RTN4RL1: variants seen among roughly 807,000 people sequenced by gnomAD.
RTN4RL1 encodes reticulon-4 receptor-like 1.
RTN4RL1 carries 7 observed loss-of-function variants against 25.6 expected under a neutral mutation model. That is an observed-to-expected ratio of 0.27 (90% confidence interval 0.16 to 0.51). RTN4RL1 has a LOEUF of 0.51. Ranked by LOEUF, RTN4RL1 falls within the 20% of genes least tolerant of loss-of-function variation. The pLI, the probability that RTN4RL1 is intolerant of heterozygous loss-of-function variation, is 0.97. For synonymous variants in RTN4RL1, 297 were observed against 288.2 expected, an observed-to-expected ratio of 1.03 and a Z score of -0.31; for missense variants, 500 against 615.6, an observed-to-expected ratio of 0.81 and a Z score of 1.99.
chr17:2,009,026 A>C (rs2067023434), intron 1 of RTN4RL1, among the ~76,000 whole-genome samples: 1 of 152,160 alleles, frequency 6.6e-6, no homozygotes, highest in Non-Finnish European at 1.5e-5. Flanking sequence ...TCAGGAAATG[A>C]CTACAAGGCA....
At chr17:1,995,465 A>G (rs1284777102) in intron 1 of RTN4RL1, 1 of 150,678 alleles carries the variant, frequency 6.6e-6, no homozygotes, top group Non-Finnish European at 1.5e-5. Context: ...TGGCAGGGGA[A>G]CCTCTACAGC....
intron 1 of RTN4RL1, among the ~76,000 whole-genome samples, chr17:1,995,228 C>T (rs997575215): frequency 2.6e-5 from 4 of 152,142 alleles, no homozygotes; most frequent in Non-Finnish European, 4.4e-5. Flanking sequence ...GAGTTTGAGA[C>T]CGGCCTGGCC....
At position 1,937,071 on chromosome 17, in the gene RTN4RL1, G is replaced by T; in HGVS notation, c.751C>A (p.Arg251Ser). Residue 251 changes from arginine (R) to serine (S), a missense_variant, in exon 2 of 2, where the codon CGC (arginine) becomes AGC (serine). Around this residue, in one of 2 missense-constraint regions of RTN4RL1, gnomAD observed 232 missense variants for 341.1 expected, o/e 0.68. Transcript: ENST00000331238. Reference protein sequence around the residue: ...LAPLGALEFLRLNGNPWDCGC... With the variant: ...LAPLGALEFLSLNGNPWDCGC... ...CAGTCCCAGGGGTTGCCGTTGAGGC[G>T]GAGGAACTCCAGGGCCCCCAGCGGG... 6.2e-7 allele frequency: 1 copy of T among 1,605,558 alleles called. No individual in the cohort carries two copies.
intron 1 of RTN4RL1, among the ~76,000 whole-genome samples, chr17:2,005,123 A>G (rs2066984297): frequency 6.6e-6 from 1 of 152,094 alleles, no homozygotes; most frequent in Non-Finnish European, 1.5e-5. Flanking sequence ...CTCCTACCTC[A>G]GCCTCTCCAG....
At chr17:1,967,557 A>G (rs545554895) in intron 1 of RTN4RL1, among the ~76,000 whole-genome samples, 3 of 150,674 alleles carry the variant, frequency 2.0e-5, no homozygotes, top group African/African-American at 7.3e-5. Context: ...TCCCTCTTCG[A>G]GCCCTACACC....
At chr17:1,964,721 GA>G (rs1446198521) in intron 1 of RTN4RL1, among the ~76,000 whole-genome samples, 2 of 150,788 alleles carry the variant, frequency 1.3e-5, no homozygotes, top group African/African-American at 4.9e-5. Context: ...GACAGAGCAA[GA>G]ACCTGTCTCT....
At chr17:1,938,624 A>T (rs1251660114) in intron 1 of RTN4RL1, among the ~76,000 whole-genome samples, 1 of 151,840 alleles carries the variant, frequency 6.6e-6, no homozygotes, top group Non-Finnish European at 1.5e-5. Context: ...AATCATTCCC[A>T]ATTACAAGCA....
At chr17:1,941,291 T>G (rs1349749158) in intron 1 of RTN4RL1, among the ~76,000 whole-genome samples, 1 of 152,012 alleles carries the variant, frequency 6.6e-6, no homozygotes, top group Non-Finnish European at 1.5e-5. Flanking sequence ...AGGACCCCAG[T>G]TTAGGTGAAA....
At position 2,005,801 on chromosome 17, in the gene RTN4RL1, C is replaced by CT. The variant is rs369950675; in HGVS notation, c.13+19051dup. 8.5e-3 allele frequency among the ~76,000 whole-genome samples: 914 copies of CT among 107,646 alleles called. 10 individuals carry two copies. Among genetic ancestry groups the CT allele is most frequent in the South Asian group, 0.073 (269 of 3,660 alleles). 70.6% of individuals were successfully genotyped at this position (107,646 alleles called of 152,430 possible). On this transcript the variant is annotated intron_variant, in intron 1 of 1. Coordinates refer to ENST00000331238, the MANE Select transcript of RTN4RL1 (RefSeq NM_178568.4). ...TTTTTTCTTTTATTTTTCTTTCTTCCTTTTTTTTTTTTTGACACAGAGTCT... is the reference window on the plus strand; with the variant it reads ...TTTTTTCTTTTATTTTTCTTTCTTCCTTTTTTTTTTTTTTGACACAGAGTCT...
intron 1 of RTN4RL1, among the ~76,000 whole-genome samples, chr17:1,938,877 CCT>C (rs1444906108): frequency 1.3e-5 from 2 of 151,202 alleles, no homozygotes; most frequent in Non-Finnish European, 1.5e-5. Flanking sequence ...ATGGTGAAAC[CCT>C]GTCTCTACTA....
intron 1 of RTN4RL1, among the ~76,000 whole-genome samples, chr17:1,948,793 C>A (rs1212139907): frequency 6.6e-6 from 1 of 151,650 alleles, no homozygotes; most frequent in East Asian, 1.9e-4. Flanking sequence ...CTACTGTTTT[C>A]TTTTCTTTTT....
chr17:2,023,333 C>A (rs1166936449), intron 1 of RTN4RL1, among the ~76,000 whole-genome samples: 1 of 152,230 alleles, frequency 6.6e-6, no homozygotes, highest in African/African-American at 2.4e-5. Context: ...TTGTCCCTTT[C>A]TGCAGGGAAA....
chr17:1,966,744 C>T (rs773617876), intron 1 of RTN4RL1, among the ~76,000 whole-genome samples: 2 of 152,140 alleles, frequency 1.3e-5, no homozygotes, highest in Non-Finnish European at 1.5e-5. Context: ...TCTCCAGAAC[C>T]GGTTCTGTCA....
intron 1 of RTN4RL1, among the ~76,000 whole-genome samples, chr17:1,954,338 CTTCCT>C (rs965742093): frequency 3.3e-5 from 5 of 150,728 alleles, no homozygotes; most frequent in African/African-American, 9.8e-5. Flanking sequence ...TGGACTCACT[CTTCCT>C]TTCCTTTCCT....
chr17:1,970,021 T>TTTTC (rs2066811278), intron 1 of RTN4RL1, among the ~76,000 whole-genome samples: 1 of 39,236 alleles, frequency 2.5e-5, no homozygotes. Flanking sequence ...CTCTCTCTCT[T>TTTTC]TTTTTTTTTT....
At chr17:1,982,613 CAAAAGAAAAGAAAAG>C (rs71150842) in intron 1 of RTN4RL1, among the ~76,000 whole-genome samples, 35,766 of 148,972 alleles carry the variant, frequency 0.24, 4,823 homozygotes, top group African/African-American at 0.36. Flanking sequence ...GACTCCGTCT[CAAAAGAAAAGAAAAG>C]AAAAGAAAAG....
At chr17:1,968,045 C>G (rs991611407) in intron 1 of RTN4RL1, among the ~76,000 whole-genome samples, 2 of 152,164 alleles carry the variant, frequency 1.3e-5, no homozygotes, top group African/African-American at 4.8e-5. Flanking sequence ...CTCCAACTTT[C>G]CTGGACGTTC....
chr17:1,966,912 C>T (rs1056889047), intron 1 of RTN4RL1, among the ~76,000 whole-genome samples: 17 of 152,200 alleles, frequency 1.1e-4, no homozygotes, highest in African/African-American at 3.6e-4. Flanking sequence ...CCAGTCTCTC[C>T]CTACCTCACC....
chr17:1,962,855 C>T (rs557374222), intron 1 of RTN4RL1, among the ~76,000 whole-genome samples: 1 of 77,588 alleles, frequency 1.3e-5, no homozygotes, highest in East Asian at 3.8e-4. Flanking sequence ...GAGGGAGACT[C>T]GATCTCAGAA....
Sources: allele counts gnomAD v4.1 joint callset (sites outside exome capture counted in the v4.1 genomes callset), GRCh38; gene constraint gnomAD v4.1.1; regional missense constraint gnomAD v4.1.1; transcripts MANE v1.5; gene names NCBI Gene and HGNC (gene_info 2026-07-23, HGNC 2026-07-21).